Variants in FRY observed in about 807,000 individuals in gnomAD.
FRY encodes the protein protein furry homolog.
In FRY, 128 loss-of-function variants were observed where a neutral mutation model predicts 348.4. The ratio of observed to expected loss-of-function variants is 0.37; its 90% CI spans 0.32 to 0.43. The LOEUF is 0.43. Ranked by LOEUF, FRY falls within the 20% of genes least tolerant of loss-of-function variation. FRY has a pLI of 1.00. For missense variants in FRY, 2,736 were observed against 3,695.2 expected (o/e 0.74, Z 6.73); for synonymous variants, 1,370 against 1,374.7 (o/e 1.00, Z 0.08).
At chr13:32,034,858 T>C (rs547584577) in intron 1 of FRY, among the ~76,000 whole-genome samples, 1 of 152,266 alleles carries the variant, frequency 6.6e-6, no homozygotes, top group East Asian at 1.9e-4. Flanking sequence ...GCTCCCAAAT[T>C]CATGCCTGTA....
intron 24 of FRY, among the ~76,000 whole-genome samples, chr13:32,183,562 A>G (rs2762030): frequency 0.53 from 80,887 of 151,912 alleles, 21,801 homozygotes; most frequent in African/African-American, 0.63. Flanking sequence ...CAGATCAAGA[A>G]GTCAAGAGAT....
At chr13:32,179,324 T>G (rs1014278333) in intron 22 of FRY, among the ~76,000 whole-genome samples, 2 of 152,220 alleles carry the variant, frequency 1.3e-5, no homozygotes, top group Admixed American at 6.5e-5. Flanking sequence ...AACACCACAC[T>G]ACATTTCTTT....
At chr13:32,034,021 C>T (rs1362634685) in intron 1 of FRY, among the ~76,000 whole-genome samples, 1 of 152,186 alleles carries the variant, frequency 6.6e-6, no homozygotes, top group Non-Finnish European at 1.5e-5. Flanking sequence ...AGAGGATGCA[C>T]CATGAGGCAA....
chr13:32,038,465 A>G (rs1386181194), intron 1 of FRY: 1 of 152,222 alleles, frequency 6.6e-6, no homozygotes, highest in Non-Finnish European at 1.5e-5. Context: ...CCATTTGCAC[A>G]CTACCCCAGT....
In FRY at chr13:32,244,149, G is replaced by A. The variant is rs1886654222; in HGVS notation, c.6795G>A (p.Val2265=). The change falls in exon 47 of 61, where the codon GTG becomes GTA. Residue 2265 remains valine, a synonymous_variant. Transcript: ENST00000542859. Reference sequence around the variant, plus strand: ...TCGTTCCTGTCAAACAGTTCAATGTGGAAGTTCTGAAGACAATTGAAAAAT... The same window carrying A: ...TCGTTCCTGTCAAACAGTTCAATGTAGAAGTTCTGAAGACAATTGAAAAAT... ...LSVVPVKQFN[V]EVLKTIEKYV... 3.1e-6 allele frequency: 5 copies of A among 1,613,696 alleles called. No individual in the cohort carries two copies. Among genetic ancestry groups the A allele is most frequent in the Non-Finnish European group, 4.2e-6 (5 of 1,179,744 alleles).
At chr13:32,142,474 CT>C (rs1448417739) in intron 11 of FRY, among the ~76,000 whole-genome samples, 8 of 152,200 alleles carry the variant, frequency 5.3e-5, no homozygotes, top group Non-Finnish European at 1.2e-4. Context: ...TTATTAGAGC[CT>C]AAGTCAATTC....
chr13:32,201,820 G>T, intron 29 of FRY, 121 bp from the exon 30 acceptor site: 5 of 715,534 alleles, frequency 7.0e-6, no homozygotes, highest in Non-Finnish European at 1.3e-5. Flanking sequence ...CCAGACGGGG[G>T]TAAGAATGTC....
At position 32,131,955 on chromosome 13, in the gene FRY, A is replaced by G. The variant is rs1879394529; in HGVS notation, c.885+115A>G. On this transcript the variant is annotated intron_variant, in intron 8 of 60. Transcript: ENST00000542859. Reference sequence around the variant, plus strand: ...ACTTGTCAATACGGAGAAACATTCTACTGTCTAAATAATTCATGAAGTCCT... The same window carrying G: ...ACTTGTCAATACGGAGAAACATTCTGCTGTCTAAATAATTCATGAAGTCCT... The G allele has an allele frequency of 1.0e-4, 86 of 834,004 alleles. 1 individual carries two copies. The South Asian group carries it at 1.2e-3, about 11-fold the overall frequency. 51.7% of individuals were successfully genotyped at this position (834,004 alleles called of 1,614,324 possible). A position where few individuals can be genotyped will look rare whatever the true frequency, so the allele number is the denominator to read the frequency against.
At chr13:32,145,300 C>T (rs969472744) in intron 11 of FRY, among the ~76,000 whole-genome samples, 2 of 152,054 alleles carry the variant, frequency 1.3e-5, no homozygotes, top group African/African-American at 4.8e-5. Context: ...CAGGGATTGA[C>T]TTAGGGAGAC....
chr13:32,271,527 G>T (rs768589329), intron 55 of FRY, among the ~76,000 whole-genome samples: 1 of 152,198 alleles, frequency 6.6e-6, no homozygotes, highest in Non-Finnish European at 1.5e-5. Context: ...TGACAGTCCA[G>T]AAGTGACTGA....
intron 29 of FRY, among the ~76,000 whole-genome samples, chr13:32,196,795 T>G (rs1883704142): frequency 6.6e-6 from 1 of 152,204 alleles, no homozygotes; most frequent in African/African-American, 2.4e-5. Context: ...ATATATTTGA[T>G]TAAATGCTAT....
chr13:32,176,436 G>A (rs1882365948), intron 20 of FRY, among the ~76,000 whole-genome samples: 1 of 152,140 alleles, frequency 6.6e-6, no homozygotes, highest in Non-Finnish European at 1.5e-5. Flanking sequence ...TACAAAACCT[G>A]AAGACATTTC....
rs775360083 is a variant in FRY, at chr13:32,254,259, T to C, written c.7281T>C (p.Leu2427=). The C allele has an allele frequency of 6.2e-7, 1 of 1,614,106 alleles. No individual in the cohort carries two copies. The highest frequency in any genetic ancestry group is 8.5e-7 in the Non-Finnish European group (1 of 1,179,994). The part of the protein sequence containing the change: ...IFSSCGDLDL[L]EHQTSLVSSE... ...CATCGTGTGGGGATCTGGATCTGCT[T>C]GAGCACCAGACAAGCTTGGTATCTT... The change falls in exon 51 of 61, where the codon CTT becomes CTC. Residue 2427 remains leucine (L), a synonymous_variant. Transcript: ENST00000542859.
intron 17 of FRY, among the ~76,000 whole-genome samples, chr13:32,165,040 C>T (rs1398388016): frequency 6.6e-6 from 1 of 151,994 alleles, no homozygotes; most frequent in Non-Finnish European, 1.5e-5. Context: ...CTATACAATG[C>T]ATTTCATATA....
intron 1 of FRY, among the ~76,000 whole-genome samples, chr13:32,077,609 T>C (rs1332546453): frequency 6.6e-6 from 1 of 152,194 alleles, no homozygotes; most frequent in African/African-American, 2.4e-5. Context: ...GGGGACATGT[T>C]TGTAATTTAA....
chr13:32,100,829 T>C (rs1940015825), intron 2 of FRY, among the ~76,000 whole-genome samples: 1 of 152,264 alleles, frequency 6.6e-6, no homozygotes. Context: ...GATGGTGCCT[T>C]CCCGCTGCAT....
intron 1 of FRY, among the ~76,000 whole-genome samples, chr13:32,062,044 T>G (rs1873968563): frequency 6.6e-6 from 1 of 152,122 alleles, no homozygotes; most frequent in Non-Finnish European, 1.5e-5. Flanking sequence ...ATTATTCCAC[T>G]GCACTATCTC....
At chr13:32,078,032 G>T (rs1296651832) in intron 1 of FRY, among the ~76,000 whole-genome samples, 1 of 152,176 alleles carries the variant, frequency 6.6e-6, no homozygotes, top group East Asian at 1.9e-4. Context: ...ACTGTAAAAA[G>T]TAGAGACTTG....
rs1376508723 is a variant in FRY at position 32,187,563 on chromosome 13, G to A, written c.3498G>A (p.Leu1166=). 6.2e-7 allele frequency: 1 copy of A among 1,607,108 alleles called. No individual in the cohort carries two copies. Among genetic ancestry groups the A allele is most frequent in the Non-Finnish European group, 8.5e-7 (1 of 1,173,724 alleles). The change falls in exon 28 of 61, where the codon CTG becomes CTA. Residue 1166 remains leucine (L), a synonymous_variant. Coordinates refer to ENST00000542859, the MANE Select transcript of FRY (RefSeq NM_023037.3). ...ATCATCAGGCAATGTCAGCAGTACT[G>A]TGCTGTGGCCCTGTCTTTGACAATG... is the stretch of plus-strand genomic sequence containing the variant. ...YCALKAMSAV[L]CCGPVFDNVG... is the part of the protein sequence containing the mutation.
Sources: gnomAD v4.1 joint callset for allele counts (sites outside exome capture counted in the v4.1 genomes callset) on GRCh38, gnomAD v4.1.1 for gene constraint, MANE v1.5 for transcripts, NCBI Gene and HGNC (gene_info 2026-07-23, HGNC 2026-07-21) for gene names.